The following DNAH2 variants were observed in gnomAD, a reference collection of about 807,000 sequenced individuals.
The protein encoded by DNAH2 is axonemal beta dynein heavy chain 2.
DNAH2 carries 323 observed loss-of-function variants against 523.5 expected under a neutral mutation model. The ratio of observed to expected loss-of-function variants is 0.62; its 90% confidence interval spans 0.56 to 0.68. The LOEUF is 0.68. Ranked by LOEUF, DNAH2 falls within the 30% of genes least tolerant of loss-of-function variation. The pLI is 0.00. For missense variants in DNAH2, 4,907 were observed against 5,701.5 expected (o/e 0.86, Z 4.49); for synonymous variants, 2,093 against 2,177.4 (o/e 0.96, Z 1.08).
Position 7,833,375 on chromosome 17 carries a change from C to T in DNAH2, c.13130-4C>T, listed in dbSNP as rs1297671033. On this transcript the variant is annotated splice_region_variant and splice_polypyrimidine_tract_variant and intron_variant, in intron 85 of 85. Transcript: ENST00000572933. ...GGTCTGACTTCTCCTCTCCTTTCCC[C>T]CAGGCATGTACTCCTGCCCCTGCTA... 1 of 1,613,878 alleles carries T rather than the reference C, an allele frequency of 6.2e-7. No homozygotes were observed.
At chr17:7,825,585 T>C (rs1715146574) in intron 77 of DNAH2, among the ~76,000 whole-genome samples, 1 of 152,226 alleles carries the variant, frequency 6.6e-6, no homozygotes, top group African/African-American at 2.4e-5. Context: ...CCTCTGCCTG[T>C]GACCAGATTG....
chr17:7,777,930 C>T, intron 33 of DNAH2, 147 bp from the exon 34 acceptor site: 2 of 782,020 alleles, frequency 2.6e-6, no homozygotes, highest in Non-Finnish European at 4.1e-6. Flanking sequence ...TGCCCATAAA[C>T]CGCTCCCCTT....
rs1409939233 is a variant in DNAH2 at position 7,807,680 on chromosome 17, C to T, written c.9729+94C>T. On this transcript the variant is annotated intron_variant, in intron 63 of 85. Coordinates refer to ENST00000572933, the MANE Select transcript of DNAH2 (RefSeq NM_020877.5). The surrounding 1 kb of genome is among the most constrained non-coding windows in gnomAD (Gnocchi z 5.6). Reference sequence around the variant, plus strand: ...TTGTTTTCCCCCATCTAATTCTAGCCCCCTTCCCCATGTCCTGTGCCATTC... The same window carrying T: ...TTGTTTTCCCCCATCTAATTCTAGCTCCCTTCCCCATGTCCTGTGCCATTC... The T allele has an allele frequency of 2.7e-6, 3 of 1,114,810 alleles. No individual in the cohort carries two copies. Among genetic ancestry groups the T allele is most frequent in the Non-Finnish European group, 4.0e-6 (3 of 758,924 alleles). 69.1% of individuals were successfully genotyped at this position (1,114,810 alleles called of 1,614,324 possible).
chr17:7,741,293 T>TCTTTCTTCCTTC (rs1555540783), intron 11 of DNAH2, among the ~76,000 whole-genome samples: 25 of 61,542 alleles, frequency 4.1e-4, no homozygotes, highest in Non-Finnish European at 6.7e-4. Context: ...TTTCTTTCTT[T>TCTTTCTTCCTTC]CTTCCTTCCT....
At chr17:7,766,640 CTTTTTT>C (rs58072098) in intron 22 of DNAH2, among the ~76,000 whole-genome samples, 159 bp downstream of exon 22, 18 of 84,440 alleles carry the variant, frequency 2.1e-4, no homozygotes, top group South Asian at 8.0e-4. Context: ...AAAATTAATC[CTTTTTT>C]TTTTTTTTTT....
rs757001008 is a variant in DNAH2, at chr17:7,831,555, G to T, written c.12611+14G>T. On this transcript the variant is annotated intron_variant, in intron 81 of 85. Transcript: ENST00000572933. The surrounding 1 kb of genome is among the most constrained non-coding windows in gnomAD (Gnocchi z 4.2). ...GCAGACCATCCTGTAAGACAGAGGG[G>T]GACTCTGCGGAACAGGGGAGGGTGT... 4 of 1,614,090 alleles carry T rather than the reference G, an allele frequency of 2.5e-6. No homozygotes were observed. The South Asian group carries it at 3.3e-5, about 13-fold the overall frequency.
chr17:7,794,952 G>A lies in DNAH2; in HGVS notation c.7674+594G>A, dbSNP rs145223135. On this transcript the variant is annotated intron_variant, in intron 49 of 85. Coordinates refer to ENST00000572933, the MANE Select transcript of DNAH2 (RefSeq NM_020877.5). ...GTATTTTCAATAGAGACAGAGTTTCGTCATGTTGCCCAGTCTGGTCTCAAA... is the reference window on the plus strand; with the variant it reads ...GTATTTTCAATAGAGACAGAGTTTCATCATGTTGCCCAGTCTGGTCTCAAA... 1.2e-3 allele frequency among the ~76,000 whole-genome samples: 188 copies of A among 151,942 alleles called. 6 individuals are homozygous for A. The East Asian group carries it at 0.031, about 25-fold the overall frequency.
At chr17:7,815,750 A>G (rs974620344) in intron 63 of DNAH2, among the ~76,000 whole-genome samples, 9 of 151,890 alleles carry the variant, frequency 5.9e-5, no homozygotes, top group African/African-American at 2.2e-4. Context: ...ACACATATAC[A>G]GGATCACACA....
In DNAH2 at chr17:7,799,049, G is replaced by A. The variant is rs771850667; in HGVS notation, c.8560-54G>A. On this transcript the variant is annotated intron_variant, in intron 55 of 85. Transcript: ENST00000572933. Reference sequence around the variant, plus strand: ...CAGCCCCACCTGACCCGCTGCCCCCGCTGATTCTGCTATGGACACGCCAGC... The same window carrying A: ...CAGCCCCACCTGACCCGCTGCCCCCACTGATTCTGCTATGGACACGCCAGC... 24 of 1,595,544 alleles carry A rather than the reference G, an allele frequency of 1.5e-5. 1 individual carries two copies. Among genetic ancestry groups the A allele is most frequent in the South Asian group, 8.9e-5 (8 of 90,028 alleles).
intron 63 of DNAH2, among the ~76,000 whole-genome samples, chr17:7,812,951 CA>C (rs61164962): frequency 2.3e-3 from 278 of 122,132 alleles, no homozygotes; most frequent in Admixed American, 2.5e-3. Flanking sequence ...GACTCTGTGT[CA>C]AAAAAAAAAA....
chr17:7,798,962 G>T lies in DNAH2; in HGVS notation c.8560-141G>T, dbSNP rs1463532848. ...AGTTCCAGCTACTCGGGGGTGGGGG[G>T]TGCTGAAGTGGGAGGATGGTTTGAG... On this transcript the variant is annotated intron_variant, in intron 55 of 85. Transcript: ENST00000572933. This position sits in a 1 kb window ranked among gnomAD's most constrained non-coding sequence, Gnocchi z 5.5. The T allele has an allele frequency of 3.2e-6, 4 of 1,253,470 alleles. No homozygotes were observed. The highest frequency in any genetic ancestry group is 4.4e-6 in the Non-Finnish European group (4 of 911,818). The allele number at this position is 1,253,470 out of a possible 1,614,324, so 77.6% of individuals were successfully genotyped here.
At position 7,780,414 on chromosome 17, in the gene DNAH2, G is replaced by A; in HGVS notation, c.5850+130G>A. The A allele has an allele frequency of 6.7e-7, 1 of 1,482,064 alleles. No individual in the cohort carries two copies. The highest frequency in any genetic ancestry group is 9.2e-7 in the Non-Finnish European group (1 of 1,082,990). 91.8% of individuals were successfully genotyped at this position (1,482,064 alleles called of 1,614,324 possible). The stretch of plus-strand genomic sequence containing the variant: ...GAACTTAGACTATTGTCAGTAGGAT[G>A]TGTGGGGAGAAAAATTTAGGGGAGG... On this transcript the variant is annotated intron_variant, in intron 37 of 85. Coordinates refer to ENST00000572933, the MANE Select transcript of DNAH2 (RefSeq NM_020877.5). The surrounding 1 kb of genome is among the most constrained non-coding windows in gnomAD (Gnocchi z 4.4).
chr17:7,747,886 A>G (rs182278211), intron 12 of DNAH2, among the ~76,000 whole-genome samples: 4 of 152,358 alleles, frequency 2.6e-5, no homozygotes, highest in East Asian at 1.9e-4. Context: ...CATCACCAGT[A>G]AAGAAATCCA....
chr17:7,793,455 CTTTCTTTCTTTCTT>C (rs2076962377), intron 48 of DNAH2, among the ~76,000 whole-genome samples: 1 of 83,846 alleles, frequency 1.2e-5, no homozygotes, highest in Non-Finnish European at 2.9e-5. Context: ...CTTTTTCTTT[CTTTCTTTCTTTCTT>C]TCTTTCTTTC....
At chr17:7,767,279 G>A (rs890372733) in intron 22 of DNAH2, among the ~76,000 whole-genome samples, 1 of 152,022 alleles carries the variant, frequency 6.6e-6, no homozygotes, top group Non-Finnish European at 1.5e-5. Flanking sequence ...TTTTTAAATG[G>A]CTGAATATTC....
rs1597725247 is a variant in DNAH2 at position 7,807,040 on chromosome 17, G to T, written c.9443-110G>T. On this transcript the variant is annotated intron_variant, in intron 61 of 85. Coordinates refer to ENST00000572933, the MANE Select transcript of DNAH2 (RefSeq NM_020877.5). The surrounding 1 kb of genome is among the most constrained non-coding windows in gnomAD (Gnocchi z 5.6). ...GCCAGGTCAGATAATTTGGCCTTAG[G>T]AACTGAGCCCAGGAAAAATGTGGCT... 6 of 1,369,370 alleles carry T rather than the reference G, an allele frequency of 4.4e-6. No homozygotes were observed. The East Asian group carries it at 1.4e-4, about 32-fold the overall frequency. 84.8% of individuals were successfully genotyped at this position (1,369,370 alleles called of 1,614,324 possible). A position where few individuals can be genotyped will look rare whatever the true frequency, so the allele number is the denominator to read the frequency against.
In DNAH2 at chr17:7,817,178, A is replaced by G. The variant is rs1597755149; in HGVS notation, c.9895-112A>G. On this transcript the variant is annotated intron_variant, in intron 64 of 85. Transcript: ENST00000572933. ...AGGACACACAGGTTTAGGGGAGGGA[A>G]AGATCCTCTTTGAACCTGACAGTGT... 3.5e-6 allele frequency: 5 copies of G among 1,420,956 alleles called. No individual in the cohort carries two copies. In the East Asian group the frequency reaches 1.2e-4, roughly 34 times the overall value. The allele number at this position is 1,420,956 out of a possible 1,614,324, so 88.0% of individuals were successfully genotyped here.
intron 77 of DNAH2, among the ~76,000 whole-genome samples, chr17:7,826,388 A>G (rs8071598): frequency 0.91 from 138,392 of 152,162 alleles, 63,903 homozygotes; most frequent in Non-Finnish European, 1. Context: ...CCAGTTTGGG[A>G]TATAGTCCTG....
At chr17:7,790,368 G>A (rs551567142) in intron 44 of DNAH2, among the ~76,000 whole-genome samples, 6 of 151,850 alleles carry the variant, frequency 4.0e-5, no homozygotes, top group South Asian at 4.2e-4. Context: ...GACCGCAGGC[G>A]TGCGCCATCA....
Sources: gnomAD v4.1 joint callset for allele counts (sites outside exome capture counted in the v4.1 genomes callset) on GRCh38, gnomAD v4.1.1 for gene constraint, Gnocchi (gnomAD v3.1) non-coding constraint, MANE v1.5 for transcripts, NCBI Gene and HGNC (gene_info 2026-07-23, HGNC 2026-07-21) for gene names.